The following CNTN5 variants were observed in gnomAD, a reference collection of about 807,000 sequenced individuals.
CNTN5 encodes contactin-5.
In CNTN5, 77 loss-of-function variants were observed where a neutral mutation model predicts 129.1. That is an observed-to-expected ratio of 0.60 (90% CI 0.50 to 0.72). The LOEUF (loss-of-function observed/expected upper bound fraction) is 0.72. Among genes scored for constraint, CNTN5 ranks in the 30% least tolerant of loss-of-function variants. The pLI is 0.00. For missense variants in CNTN5, 1,478 were observed against 1,328.8 expected (o/e 1.11, Z -1.75); for synonymous variants, 509 against 465.6 (o/e 1.09, Z -1.20).
chr11:99,223,532 A>G (rs1373462341), intron 1 of CNTN5, among the ~76,000 whole-genome samples: 1 of 152,198 alleles, frequency 6.6e-6, no homozygotes, highest in Non-Finnish European at 1.5e-5. Context: ...TTTTGTAAAA[A>G]GAAAAGTACA....
At chr11:99,923,161 A>T (rs1311490605) in intron 7 of CNTN5, among the ~76,000 whole-genome samples, 1 of 152,220 alleles carries the variant, frequency 6.6e-6, no homozygotes, top group Non-Finnish European at 1.5e-5. Flanking sequence ...TTGACTTGAT[A>T]GCTAAATTTC....
intron 9 of CNTN5, among the ~76,000 whole-genome samples, chr11:100,029,739 C>T (rs910820739): frequency 6.6e-6 from 1 of 151,846 alleles, no homozygotes; most frequent in Non-Finnish European, 1.5e-5. Context: ...CTATTCGTAC[C>T]CCTAGCTTTT....
intron 1 of CNTN5, among the ~76,000 whole-genome samples, chr11:99,126,045 A>G (rs17133088): frequency 0.062 from 9,384 of 152,214 alleles, 315 homozygotes; most frequent in African/African-American, 0.085. Context: ...TTTATTGGCT[A>G]TGATCTGCAC....
At chr11:99,158,154 CCT>C (rs759092667) in intron 1 of CNTN5, among the ~76,000 whole-genome samples, 1 of 152,048 alleles carries the variant, frequency 6.6e-6, no homozygotes, top group Non-Finnish European at 1.5e-5. Flanking sequence ...GTCCACCTCA[CCT>C]CTCTCTCCAA....
At chr11:99,844,635 C>A in intron 4 of CNTN5, 2 of 529,438 alleles carry the variant, frequency 3.8e-6, no homozygotes, top group South Asian at 2.0e-5. Flanking sequence ...ATGTATTACA[C>A]GTTTAACAGC....
intron 6 of CNTN5, among the ~76,000 whole-genome samples, chr11:99,847,928 G>A (rs912225978): frequency 6.6e-6 from 1 of 152,024 alleles, no homozygotes; most frequent in African/African-American, 2.4e-5. Flanking sequence ...AAATTAGTCC[G>A]CAGGCTGGGC....
At chr11:99,259,426 AT>A (rs1406852779) in intron 1 of CNTN5, among the ~76,000 whole-genome samples, 1 of 151,852 alleles carries the variant, frequency 6.6e-6, no homozygotes, top group African/African-American at 2.4e-5. Context: ...ACTAAATACA[AT>A]TTACTTGTGT....
chr11:99,580,360 G>A (rs1412674029), intron 3 of CNTN5, among the ~76,000 whole-genome samples: 1 of 152,124 alleles, frequency 6.6e-6, no homozygotes, highest in Non-Finnish European at 1.5e-5. Flanking sequence ...GAGTTAGGGA[G>A]GATTCCCTCT....
chr11:100,013,837 G>A (rs1312770897), intron 9 of CNTN5, among the ~76,000 whole-genome samples: 2 of 152,042 alleles, frequency 1.3e-5, no homozygotes, highest in Non-Finnish European at 2.9e-5. Flanking sequence ...CTTTGTTTGA[G>A]ATCTCATTCT....
chr11:99,314,406 G>C (rs1463381542), intron 1 of CNTN5, among the ~76,000 whole-genome samples: 1 of 152,132 alleles, frequency 6.6e-6, no homozygotes, highest in East Asian at 1.9e-4. Context: ...CTATGGGTGT[G>C]CTTATGCTGT....
At chr11:99,372,018 G>A (rs1249598532) in intron 2 of CNTN5, among the ~76,000 whole-genome samples, 16 of 152,156 alleles carry the variant, frequency 1.1e-4, no homozygotes, top group Admixed American at 3.3e-4. Flanking sequence ...CAAGTGGAGC[G>A]AAAGAGAATC....
At chr11:99,680,287 G>A (rs1836581439) in intron 3 of CNTN5, among the ~76,000 whole-genome samples, 1 of 152,088 alleles carries the variant, frequency 6.6e-6, no homozygotes, top group South Asian at 2.1e-4. Context: ...AGGAGAAATC[G>A]ATGCCTGGCT....
chr11:99,341,167 A>T (rs1866496051), intron 2 of CNTN5, among the ~76,000 whole-genome samples: 1 of 152,188 alleles, frequency 6.6e-6, no homozygotes, highest in African/African-American at 2.4e-5. Context: ...CTTCTCTATG[A>T]AAGTATGTTT....
intron 13 of CNTN5, among the ~76,000 whole-genome samples, chr11:100,132,567 G>A (rs533942890): frequency 3.9e-5 from 6 of 152,138 alleles, no homozygotes; most frequent in Admixed American, 1.3e-4. Context: ...GAGATATCAT[G>A]GATTGGTCCA....
intron 16 of CNTN5, among the ~76,000 whole-genome samples, 193 bp from the exon 17 acceptor site, chr11:100,255,567 T>C (rs1950048462): frequency 1.3e-5 from 2 of 152,212 alleles, no homozygotes. Flanking sequence ...AAATCAAATC[T>C]ACAATTAAGT....
intron 7 of CNTN5, among the ~76,000 whole-genome samples, chr11:99,922,222 C>T (rs12785295): frequency 0.14 from 21,241 of 152,128 alleles, 1,836 homozygotes; most frequent in African/African-American, 0.23. Flanking sequence ...CTTTCTAAAG[C>T]CACCAGATCT....
At chr11:99,477,981 TGGA>T (rs1945444128) in intron 2 of CNTN5, among the ~76,000 whole-genome samples, 1 of 151,986 alleles carries the variant, frequency 6.6e-6, no homozygotes, top group African/African-American at 2.4e-5. Flanking sequence ...GAGGTTTAGT[TGGA>T]GATGATTTTT....
intron 6 of CNTN5, among the ~76,000 whole-genome samples, chr11:99,854,297 A>G (rs1947965448): frequency 6.6e-6 from 1 of 152,244 alleles, no homozygotes; most frequent in East Asian, 1.9e-4. Flanking sequence ...TTACCCCTAC[A>G]TAAATCTTTG....
intron 6 of CNTN5, among the ~76,000 whole-genome samples, chr11:99,905,175 T>C (rs1435786734): frequency 6.6e-6 from 1 of 152,220 alleles, no homozygotes; most frequent in Non-Finnish European, 1.5e-5. Context: ...TGGCTTTTGT[T>C]GTCATTGCTT....
Sources: gnomAD v4.1 joint callset for allele counts (sites outside exome capture counted in the v4.1 genomes callset) on GRCh38, gnomAD v4.1.1 for gene constraint, MANE v1.5 for transcripts, NCBI Gene and HGNC (gene_info 2026-07-23, HGNC 2026-07-21) for gene names.